MAML3: variants seen among roughly 807,000 people sequenced by gnomAD.
MAML3 encodes mastermind like transcriptional coactivator 3, also known as mastermind-like protein 3.
Under a neutral mutation model 101.9 loss-of-function variants are expected in MAML3, and 27 were observed. The ratio of observed to expected loss-of-function variants is 0.27; its 90% CI spans 0.20 to 0.37. The LOEUF is 0.37. Among genes scored for constraint, MAML3 ranks in the 10% least tolerant of loss-of-function variants. The pLI is 1.00. For missense variants in MAML3, 1,316 were observed against 1,444.9 expected (o/e 0.91, Z 1.45); for synonymous variants, 501 against 555.9 (o/e 0.90, Z 1.39).
intron 1 of MAML3, among the ~76,000 whole-genome samples, chr4:139,922,112 C>T (rs924230684): frequency 1.3e-5 from 2 of 152,126 alleles, no homozygotes; most frequent in Non-Finnish European, 1.5e-5. Context: ...AGCAAGTGCA[C>T]ATTGTTAAGA....
At position 139,719,136 on chromosome 4, in the gene MAML3, A is replaced by G; in HGVS notation, c.*187T>C. 1.6e-6 allele frequency: 1 copy of G among 621,666 alleles called. No individual in the cohort carries two copies. Among genetic ancestry groups the G allele is most frequent in the Non-Finnish European group, 2.7e-6 (1 of 374,294 alleles). 38.5% of individuals were successfully genotyped at this position (621,666 alleles called of 1,614,324 possible). A position where few individuals can be genotyped will look rare whatever the true frequency, so the allele number is the denominator to read the frequency against. ...CGTCTCATCTCGATTGCTGTGTGAA[A>G]ATCAGGTGAAATGAGGCCTGGTGGG... On this transcript the variant is annotated 3_prime_UTR_variant, in exon 5 of 5. Transcript: ENST00000509479.
chr4:139,993,947 T>C (rs967502929), intron 1 of MAML3, among the ~76,000 whole-genome samples: 1 of 152,262 alleles, frequency 6.6e-6, no homozygotes, highest in East Asian at 1.9e-4. Flanking sequence ...AAAGATTTTC[T>C]TCTATGATTT....
At chr4:139,884,302 G>C (rs997740428) in intron 2 of MAML3, among the ~76,000 whole-genome samples, 1 of 152,118 alleles carries the variant, frequency 6.6e-6, no homozygotes, top group African/African-American at 2.4e-5. Context: ...ATACCACACA[G>C]GGCATTCCAC....
Position 139,719,341 on chromosome 4 carries a change from T to C in MAML3, c.3399A>G (p.Glu1133=), listed in dbSNP as rs1369880508. 6.3e-7 allele frequency: 1 copy of C among 1,594,358 alleles called. No homozygotes were observed. Among genetic ancestry groups the C allele is most frequent in the Non-Finnish European group, 8.6e-7 (1 of 1,168,126 alleles). Reference sequence around the variant, plus strand: ...CTCTTGATTAGGGGTTACCAAACAATTCATCAAGCTCCTGCATCCACTCGT... The same window carrying C: ...CTCTTGATTAGGGGTTACCAAACAACTCATCAAGCTCCTGCATCCACTCGT... The part of the protein sequence containing the change: ...PGDEWMQELD[E]LFGNP Residue 1133 remains glutamate (E), a synonymous_variant, in exon 5 of 5, where the codon GAA becomes GAG. Coordinates refer to ENST00000509479, the MANE Select transcript of MAML3 (RefSeq NM_018717.5).
intron 1 of MAML3, among the ~76,000 whole-genome samples, chr4:140,151,379 C>A (rs1248830966): frequency 6.7e-6 from 1 of 148,954 alleles, no homozygotes; most frequent in African/African-American, 2.5e-5. Context: ...TCTTCACGTG[C>A]GGGGTGGGGG....
At chr4:140,099,888 C>G (rs1264697267) in intron 1 of MAML3, among the ~76,000 whole-genome samples, 1 of 152,172 alleles carries the variant, frequency 6.6e-6, no homozygotes, top group East Asian at 1.9e-4. Context: ...CCTGCTATTA[C>G]AAACAACATT....
intron 1 of MAML3, among the ~76,000 whole-genome samples, chr4:139,933,659 C>G (rs1446332888): frequency 6.6e-6 from 1 of 152,220 alleles, no homozygotes; most frequent in African/African-American, 2.4e-5. Flanking sequence ...ATGGTGGAGT[C>G]TGTCACACTC....
intron 1 of MAML3, among the ~76,000 whole-genome samples, chr4:140,112,836 T>C (rs1010954222): frequency 1.3e-5 from 2 of 152,198 alleles, no homozygotes; most frequent in African/African-American, 4.8e-5. Flanking sequence ...TGCATAGTAA[T>C]CTGTGACTCA....
At chr4:140,078,241 G>A (rs1422156186) in intron 1 of MAML3, among the ~76,000 whole-genome samples, 1 of 150,904 alleles carries the variant, frequency 6.6e-6, no homozygotes, top group Non-Finnish European at 1.5e-5. Context: ...GGCATCAGAT[G>A]TTTTGGTTTT....
intron 1 of MAML3, chr4:140,134,340 GT>G (rs1011411891): frequency 2.2e-6 from 1 of 456,728 alleles, no homozygotes; most frequent in Non-Finnish European, 4.4e-6. Context: ...AGCGAGGCAA[GT>G]CAAGAAGAAA....
At chr4:140,065,384 A>G (rs1727518291) in intron 1 of MAML3, among the ~76,000 whole-genome samples, 1 of 152,080 alleles carries the variant, frequency 6.6e-6, no homozygotes, top group Non-Finnish European at 1.5e-5. Context: ...ATTATTGTAC[A>G]TATCAGCTGG....
chr4:139,719,364 C>T lies in MAML3; in HGVS notation c.3376G>A (p.Glu1126Lys), dbSNP rs1013228429. Residue 1126 changes from glutamate to lysine, a missense_variant, in exon 5 of 5, where the codon GAG becomes AAG. Coordinates refer to ENST00000509479, the MANE Select transcript of MAML3 (RefSeq NM_018717.5). ...DSIIKGGPGDEWMQELDELFG... is the reference protein window; with the variant it reads ...DSIIKGGPGDKWMQELDELFG... Reference sequence around the variant, plus strand: ...AATTCATCAAGCTCCTGCATCCACTCGTCCCCTGGCCCGCCTTTGATGATG... The same window carrying T: ...AATTCATCAAGCTCCTGCATCCACTTGTCCCCTGGCCCGCCTTTGATGATG... 15 of 1,608,410 alleles carry T rather than the reference C, an allele frequency of 9.3e-6. No individual in the cohort carries two copies. The highest frequency in any genetic ancestry group is 6.7e-5 in the East Asian group (3 of 44,784).
intron 1 of MAML3, 126 bp downstream of exon 1, chr4:140,152,734 C>T (rs1729196559): frequency 2.8e-6 from 4 of 1,449,724 alleles, no homozygotes; most frequent in Middle Eastern, 2.6e-4. Context: ...AACCCTTAGG[C>T]TTCAGCCCAC....
At chr4:140,136,988 A>AT (rs1231357228) in intron 1 of MAML3, among the ~76,000 whole-genome samples, 1 of 152,086 alleles carries the variant, frequency 6.6e-6, no homozygotes, top group Non-Finnish European at 1.5e-5. Flanking sequence ...TTTAAAGGAG[A>AT]TTTTTTGTTT....
At chr4:139,921,103 A>ACTCCAGGAGC (rs1384395873) in intron 1 of MAML3, among the ~76,000 whole-genome samples, 1 of 151,520 alleles carries the variant, frequency 6.6e-6, no homozygotes, top group African/African-American at 2.4e-5. Flanking sequence ...GCTCTGGTAC[A>ACTCCAGGAGC]CTCCAGGAGC....
intron 1 of MAML3, among the ~76,000 whole-genome samples, chr4:139,910,937 G>A (rs34583627): frequency 0.022 from 3,291 of 152,114 alleles, 54 homozygotes; most frequent in Non-Finnish European, 0.033. Flanking sequence ...TGTACAGTTC[G>A]GTGGCATTAA....
intron 1 of MAML3, among the ~76,000 whole-genome samples, chr4:139,909,365 C>T (rs114335518): frequency 0.011 from 1,620 of 152,298 alleles, 8 homozygotes; most frequent in Middle Eastern, 0.041. Flanking sequence ...ATACTTGACA[C>T]GTCTATGGAG....
At chr4:140,025,408 G>A (rs1671266085) in intron 1 of MAML3, among the ~76,000 whole-genome samples, 1 of 152,038 alleles carries the variant, frequency 6.6e-6, no homozygotes, top group African/African-American at 2.4e-5. Flanking sequence ...GGTATATGAA[G>A]GGTCATTCTC....
intron 1 of MAML3, among the ~76,000 whole-genome samples, chr4:140,050,050 G>C (rs1295686733): frequency 6.6e-6 from 1 of 152,124 alleles, no homozygotes; most frequent in Non-Finnish European, 1.5e-5. Flanking sequence ...TGTGGTAAAA[G>C]GGAAATTTCT....
Sources: gnomAD v4.1 joint callset for allele counts (sites outside exome capture counted in the v4.1 genomes callset) on GRCh38, gnomAD v4.1.1 for gene constraint, MANE v1.5 for transcripts, NCBI Gene and HGNC (gene_info 2026-07-23, HGNC 2026-07-21) for gene names.